FBRSL1: variants seen among roughly 807,000 people sequenced by gnomAD.
The protein encoded by FBRSL1 is fibrosin-1-like protein.
In FBRSL1, 51 loss-of-function variants were observed where a neutral mutation model predicts 89.6. The observed-to-expected ratio is 0.57, with a 90% CI of 0.45 to 0.72. The LOEUF (loss-of-function observed/expected upper bound fraction) is 0.72. Among genes scored for constraint, FBRSL1 ranks in the 30% least tolerant of loss-of-function variants. The probability of loss-of-function intolerance (pLI) is 0.00; values close to 1 mark genes in which losing one functional copy is unlikely to be tolerated. For missense variants in FBRSL1, 1,618 were observed against 1,451.8 expected, an observed-to-expected ratio of 1.11 and a Z score of -1.86; for synonymous variants, 779 against 681.1, an observed-to-expected ratio of 1.14 and a Z score of -2.24.
At chr12:132,563,833 C>T (rs1171980415) in intron 5 of FBRSL1, among the ~76,000 whole-genome samples, 2 of 55,244 alleles carry the variant, frequency 3.6e-5, no homozygotes, top group South Asian at 1.3e-3. Context: ...TGTGTGCACC[C>T]CCTGCACCCC....
intron 5 of FBRSL1, among the ~76,000 whole-genome samples, chr12:132,560,722 C>G (rs2039050490): frequency 6.6e-6 from 1 of 152,164 alleles, no homozygotes; most frequent in African/African-American, 2.4e-5. Context: ...GGGGCTGAGG[C>G]TTGCCCGGGC....
At chr12:132,579,241 A>G (rs1285832182) in intron 15 of FBRSL1, among the ~76,000 whole-genome samples, 9 of 152,082 alleles carry the variant, frequency 5.9e-5, no homozygotes, top group Non-Finnish European at 1.5e-5. Flanking sequence ...TAAACTTTCA[A>G]TCTGCCTGTT....
At position 132,583,441 on chromosome 12, in the gene FBRSL1, A is replaced by C. The variant is rs2040932967; in HGVS notation, c.2672A>C (p.His891Pro). 1 of 1,064,618 alleles carries C rather than the reference A, an allele frequency of 9.4e-7. No homozygotes were observed. The allele number at this position is 1,064,618 out of a possible 1,614,324, so 65.9% of individuals were successfully genotyped here. A position where few individuals can be genotyped will look rare whatever the true frequency, so the allele number is the denominator to read the frequency against. Reference protein sequence around the residue: ...PERPYRDREPHGYSPERLRGE... With the variant: ...PERPYRDREPPGYSPERLRGE... ...CGCCCCTACCGCGACCGCGAGCCCC[A>C]CGGCTACAGCCCCGAGCGCCTGCGC... is the stretch of plus-strand genomic sequence containing the variant. Residue 891 changes from histidine (H) to proline (P), a missense_variant, in exon 19 of 19, where the codon CAC becomes CCC. Coordinates refer to ENST00000680143, the MANE Select transcript of FBRSL1 (RefSeq NM_001367871.1).
intron 2 of FBRSL1, chr12:132,511,834 T>TCC: frequency 6.7e-6 from 6 of 899,046 alleles, no homozygotes; most frequent in South Asian, 5.2e-5. Flanking sequence ...GCCCCCTCGC[T>TCC]CCCCACCCAC....
At chr12:132,525,923 C>T in intron 3 of FBRSL1, 100 bp downstream of exon 3, 2 of 980,724 alleles carry the variant, frequency 2.0e-6, no homozygotes, top group Middle Eastern at 6.3e-4. Context: ...GCCGCCTGCC[C>T]ACTGTGCCCT....
intron 5 of FBRSL1, among the ~76,000 whole-genome samples, chr12:132,563,963 G>A (rs1167707461): frequency 2.4e-5 from 3 of 124,610 alleles, no homozygotes; most frequent in Non-Finnish European, 3.5e-5. Flanking sequence ...ACCCACCCCC[G>A]TCGCCCCGAA....
chr12:132,541,406 G>A (rs2037258374), intron 4 of FBRSL1, among the ~76,000 whole-genome samples: 1 of 152,178 alleles, frequency 6.6e-6, no homozygotes, highest in African/African-American at 2.4e-5. Flanking sequence ...GCCCACGAGG[G>A]GCCAGCAGCC....
chr12:132,543,418 G>A (rs1035253557), intron 4 of FBRSL1, among the ~76,000 whole-genome samples: 1 of 152,188 alleles, frequency 6.6e-6, no homozygotes, highest in African/African-American at 2.4e-5. Flanking sequence ...CGTTAACTCT[G>A]GGCTGTGCCC....
chr12:132,578,437 TCC>T (rs1220748453), intron 15 of FBRSL1, among the ~76,000 whole-genome samples: 7 of 151,744 alleles, frequency 4.6e-5, no homozygotes, highest in Non-Finnish European at 8.8e-5. Context: ...TTCATCCTCG[TCC>T]TCACACGGAG....
chr12:132,505,292 C>T (rs2033545990), intron 1 of FBRSL1, among the ~76,000 whole-genome samples: 1 of 152,164 alleles, frequency 6.6e-6, no homozygotes, highest in African/African-American at 2.4e-5. Flanking sequence ...TGCGAACCTT[C>T]TGGGCCCTTC....
At chr12:132,581,044 TAAG>T (rs1228351428) in intron 15 of FBRSL1, 2 of 985,338 alleles carry the variant, frequency 2.0e-6, no homozygotes, top group African/African-American at 1.7e-5. Flanking sequence ...AGCACCACAT[TAAG>T]AAGTGAGGAC....
chr12:132,494,436 C>T (rs1031172835), intron 1 of FBRSL1, among the ~76,000 whole-genome samples: 11 of 152,242 alleles, frequency 7.2e-5, no homozygotes, highest in African/African-American at 1.7e-4. Context: ...CAGGTTGTGC[C>T]GGTCCCTGTG....
chr12:132,581,358 G>A (rs1185284558), intron 15 of FBRSL1, 81 bp from the exon 16 acceptor site: 3 of 1,548,284 alleles, frequency 1.9e-6, no homozygotes, highest in Non-Finnish European at 2.6e-6. Context: ...GGAAATTGGG[G>A]TGCTCCCTGT....
intron 4 of FBRSL1, among the ~76,000 whole-genome samples, chr12:132,542,033 C>T (rs966467811): frequency 4.6e-5 from 7 of 152,262 alleles, no homozygotes; most frequent in East Asian, 1.9e-4. Context: ...TTTCCCCACT[C>T]GGCGGCACGT....
rs764398076 is a variant in FBRSL1, at chr12:132,583,073, C to T, written c.2304C>T (p.Gly768=). ...GLLLRAQSEL[G]RSGAPAEREA... is the part of the protein sequence containing the mutation. ...TGCTCCGGGCCCAGAGCGAGCTGGG[C>T]CGGTCCGGGGCCCCCGCGGAGCGCG... Residue 768 remains glycine (G), a synonymous_variant, in exon 19 of 19, where the codon GGC becomes GGT. Transcript: ENST00000680143. 7 of 1,445,656 alleles carry T rather than the reference C, an allele frequency of 4.8e-6. No homozygotes were observed. In the South Asian group the frequency reaches 8.0e-5, roughly 16 times the overall value. The allele number at this position is 1,445,656 out of a possible 1,614,324, so 89.6% of individuals were successfully genotyped here. A position where few individuals can be genotyped will look rare whatever the true frequency, so the allele number is the denominator to read the frequency against.
intron 4 of FBRSL1, among the ~76,000 whole-genome samples, chr12:132,530,782 GGTTCCCCT>G: frequency 6.6e-6 from 1 of 151,248 alleles, no homozygotes. Flanking sequence ...CTGGGGATGG[GGTTCCCCT>G]CCAAGCCGCA....
At chr12:132,533,884 G>T (rs2036504665) in intron 4 of FBRSL1, among the ~76,000 whole-genome samples, 1 of 152,214 alleles carries the variant, frequency 6.6e-6, no homozygotes, top group Non-Finnish European at 1.5e-5. Flanking sequence ...AGGTGGCCGG[G>T]GTCAGGGCAG....
rs1296050721 is a variant in FBRSL1, at chr12:132,583,492, C to G, written c.2723C>G (p.Pro908Arg). 4.6e-5 allele frequency: 48 copies of G among 1,046,836 alleles called. No individual in the cohort carries two copies. The highest frequency in any genetic ancestry group is 5.5e-5 in the Non-Finnish European group (48 of 869,174). The allele number at this position is 1,046,836 out of a possible 1,614,324, so 64.8% of individuals were successfully genotyped here. A position where few individuals can be genotyped will look rare whatever the true frequency, so the allele number is the denominator to read the frequency against. The change falls in exon 19 of 19, where the codon CCG becomes CGG. Residue 908 changes from proline (P) to arginine (R), a missense_variant. Physicochemically the swap from Pro to Arg is moderately radical, Grantham distance 103. Transcript: ENST00000680143. ...LRGELERARA[P>R]HLPPAAPALD... ...GGGGAGCTGGAGCGCGCGCGGGCCC[C>G]GCACCTGCCGCCCGCCGCCCCCGCC...
intron 2 of FBRSL1, chr12:132,510,309 G>A: frequency 8.1e-7 from 1 of 1,230,558 alleles, no homozygotes; most frequent in Non-Finnish European, 1.0e-6. Flanking sequence ...GTCCCTATTG[G>A]ATCTGGTGCC....
Sources: gnomAD v4.1 joint callset for allele counts (sites outside exome capture counted in the v4.1 genomes callset) on GRCh38, gnomAD v4.1.1 for gene constraint, MANE v1.5 for transcripts, NCBI Gene and HGNC (gene_info 2026-07-23, HGNC 2026-07-21) for gene names.